GML: variants seen among roughly 807,000 people sequenced by gnomAD.
GML encodes the protein glycosylphosphatidylinositol anchored molecule like.
GML carries 5 observed loss-of-function variants against 8.2 expected under a neutral mutation model. The ratio of observed to expected loss-of-function variants is 0.61; its 90% confidence interval spans 0.32 to 1.28. GML has a LOEUF of 1.28. Among genes scored for constraint, GML ranks in the 50% most tolerant of loss-of-function variants. The probability of loss-of-function intolerance (pLI) is 0.06; values close to 1 mark genes in which losing one functional copy is unlikely to be tolerated. For synonymous variants in GML, 72 were observed against 69.0 expected, an observed-to-expected ratio of 1.04 and a Z score of -0.22; for missense variants, 191 against 198.3, an observed-to-expected ratio of 0.96 and a Z score of 0.22.
intron 1 of GML, among the ~76,000 whole-genome samples, chr8:142,836,975 G>A (rs533558182): frequency 6.6e-6 from 1 of 152,278 alleles, no homozygotes; most frequent in South Asian, 2.1e-4. Context: ...AGACGGGCTG[G>A]CATTCAGTAT....
Position 142,836,634 on chromosome 8 carries a change from G to A in GML, c.-23+1766G>A, listed in dbSNP as rs752167603. Reference sequence around the variant, plus strand: ...GTTTTTATTGAACATCTTGCGTTGCGTACAAAATAGCTGGAAAGCTTGGAG... The same window carrying A: ...GTTTTTATTGAACATCTTGCGTTGCATACAAAATAGCTGGAAAGCTTGGAG... On this transcript the variant is annotated intron_variant, in intron 1 of 3. Coordinates refer to ENST00000220940, the MANE Select transcript of GML (RefSeq NM_002066.3). Among the ~76,000 whole-genome samples, 38 of 152,200 alleles carry A rather than the reference G, an allele frequency of 2.5e-4. 1 individual carries two copies. The highest frequency in any genetic ancestry group is 6.8e-3 in the Middle Eastern group (2 of 292).
Position 142,846,407 on chromosome 8 carries a change from G to T in GML, c.194G>T (p.Arg65Leu). The change falls in exon 4 of 4, where the codon CGT becomes CTT. Residue 65 changes from arginine (R) to leucine (L), a missense_variant. Coordinates refer to ENST00000220940, the MANE Select transcript of GML (RefSeq NM_002066.3). ...CMTISIRINS[R>L]ELLVYKNCTN... The stretch of plus-strand genomic sequence containing the variant: ...CTTCTTTTTTTAGGCATAAATTCTC[G>T]TGAACTACTTGTTTATAAGAACTGT... The T allele has an allele frequency of 6.3e-7, 1 of 1,587,782 alleles. No individual in the cohort carries two copies. Among genetic ancestry groups the T allele is most frequent in the African/African-American group, 1.4e-5 (1 of 73,996 alleles).
At chr8:142,844,909 C>T (rs986811980) in intron 3 of GML, among the ~76,000 whole-genome samples, 17 of 152,204 alleles carry the variant, frequency 1.1e-4, no homozygotes, top group Non-Finnish European at 1.9e-4. Flanking sequence ...TGAGACTCAG[C>T]GCTTCTACTC....
At chr8:142,843,704 T>A (rs530919281) in intron 3 of GML, among the ~76,000 whole-genome samples, 1 of 152,172 alleles carries the variant, frequency 6.6e-6, no homozygotes, top group South Asian at 2.1e-4. Context: ...AGAAACAGAT[T>A]GAAAATGAAA....
rs181298814 is a variant in GML, at chr8:142,846,586, G to A, written c.373G>A (p.Asp125Asn). ...PTNLERDMLPDEVTEEELPEG... is the reference protein window; with the variant it reads ...PTNLERDMLPNEVTEEELPEG... ...TAATCTTGAAAGGGACATGTTACCC[G>A]ATGAAGTAACTGAGGAGGAGCTTCC... Residue 125 changes from aspartate (D) to asparagine (N), a missense_variant, in exon 4 of 4, where the codon GAT (aspartate) becomes AAT (asparagine). Physicochemically the swap from Asp to Asn is conservative, Grantham distance 23 (BLOSUM62 1). Transcript: ENST00000220940. 1.5e-5 allele frequency: 25 copies of A among 1,613,598 alleles called. No individual in the cohort carries two copies. Among genetic ancestry groups the A allele is most frequent in the East Asian group, 6.7e-5 (3 of 44,872 alleles).
intron 1 of GML, among the ~76,000 whole-genome samples, chr8:142,837,425 A>G (rs2953479): frequency 0.022 from 3,342 of 152,084 alleles, 94 homozygotes; most frequent in African/African-American, 0.075. Context: ...AATCAGTGAC[A>G]GCAGTGGGTG....
chr8:142,841,738 GGT>G (rs1290644974), intron 3 of GML, among the ~76,000 whole-genome samples: 2 of 152,168 alleles, frequency 1.3e-5, no homozygotes, highest in African/African-American at 2.4e-5. Context: ...AGAGCCCTCT[GGT>G]GCCCTCTCTC....
rs139970578 is a variant in GML at position 142,835,113 on chromosome 8, G to A, written c.-23+245G>A. On this transcript the variant is annotated intron_variant, in intron 1 of 3. Transcript: ENST00000220940. Reference sequence around the variant, plus strand: ...ACTCCCCGCAGGTTCCTGGGGAGACGCCCCCTGCTCCATTCCCCTCAGGGT... The same window carrying A: ...ACTCCCCGCAGGTTCCTGGGGAGACACCCCCTGCTCCATTCCCCTCAGGGT... Among the ~76,000 whole-genome samples, 7 of 150,606 alleles carry A rather than the reference G, an allele frequency of 4.6e-5. No homozygotes were observed. The East Asian group carries it at 1.4e-3, about 30-fold the overall frequency.
intron 3 of GML, 69 bp downstream of exon 3, chr8:142,841,294 G>A (rs938830084): frequency 3.6e-6 from 3 of 824,338 alleles, no homozygotes; most frequent in African/African-American, 3.3e-5. Flanking sequence ...CTGGGGCCAG[G>A]GCCAGTCTGC....
intron 3 of GML, among the ~76,000 whole-genome samples, chr8:142,841,786 A>G (rs1374526062): frequency 6.6e-6 from 1 of 152,192 alleles, no homozygotes; most frequent in East Asian, 1.9e-4. Context: ...GTATGGCCAG[A>G]GGCCCAGTGA....
At chr8:142,841,997 C>G (rs964236295) in intron 3 of GML, among the ~76,000 whole-genome samples, 2 of 152,174 alleles carry the variant, frequency 1.3e-5, no homozygotes, top group African/African-American at 4.8e-5. Context: ...TGTGGTTTGG[C>G]TATGTCCCCA....
intron 3 of GML, among the ~76,000 whole-genome samples, chr8:142,841,808 A>G (rs978930605): frequency 6.6e-6 from 1 of 152,190 alleles, no homozygotes; most frequent in African/African-American, 2.4e-5. Flanking sequence ...CAATGGAGCA[A>G]GCAGGGAGGG....
chr8:142,835,153 C>A (rs1404118140), intron 1 of GML, among the ~76,000 whole-genome samples: 1 of 151,908 alleles, frequency 6.6e-6, no homozygotes, highest in Non-Finnish European at 1.5e-5. Flanking sequence ...GGGAGACCCC[C>A]TAATTCAGCT....
intron 1 of GML, 119 bp from the exon 2 acceptor site, chr8:142,840,297 G>C (rs904030348): frequency 3.1e-6 from 2 of 655,326 alleles, no homozygotes; most frequent in South Asian, 1.8e-5. Flanking sequence ...TGGCCCAGTG[G>C]GGGAGGCATT....
chr8:142,842,498 C>T (rs1285761823), intron 3 of GML, among the ~76,000 whole-genome samples: 1 of 152,174 alleles, frequency 6.6e-6, no homozygotes, highest in Admixed American at 6.5e-5. Flanking sequence ...CTATCTTTCC[C>T]ATAACTCCCT....
intron 1 of GML, 84 bp downstream of exon 1, chr8:142,834,952 T>C (rs1420363275): frequency 9.3e-6 from 1 of 107,474 alleles, no homozygotes; most frequent in African/African-American, 3.9e-5. Flanking sequence ...CCTCGTCAGC[T>C]GCTTGGGCCG....
At position 142,837,192 on chromosome 8, in the gene GML, G is replaced by A. The variant is rs1162723790; in HGVS notation, c.-23+2324G>A. On this transcript the variant is annotated intron_variant, in intron 1 of 3. Transcript: ENST00000220940. ...GCCCATAGTCCCAGCTACTCAGGAGGCTGAGGCAGGAGAACTGCTTGAACC... is the reference window on the plus strand; with the variant it reads ...GCCCATAGTCCCAGCTACTCAGGAGACTGAGGCAGGAGAACTGCTTGAACC... 2.6e-5 allele frequency among the ~76,000 whole-genome samples: 4 copies of A among 151,996 alleles called. No homozygotes were observed. In the East Asian group the frequency reaches 7.7e-4, roughly 29 times the overall value.
At chr8:142,841,760 C>T (rs765510857) in intron 3 of GML, among the ~76,000 whole-genome samples, 5 of 152,184 alleles carry the variant, frequency 3.3e-5, no homozygotes, top group African/African-American at 4.8e-5. Flanking sequence ...CCCCAGGGCC[C>T]TAACCTGCAG....
At chr8:142,843,294 A>C (rs1377660522) in intron 3 of GML, among the ~76,000 whole-genome samples, 1 of 149,074 alleles carries the variant, frequency 6.7e-6, no homozygotes, top group African/African-American at 2.5e-5. Flanking sequence ...ACACACACAC[A>C]CACACCATAA....
Sources: gnomAD v4.1 joint callset for allele counts (sites outside exome capture counted in the v4.1 genomes callset) on GRCh38, gnomAD v4.1.1 for gene constraint, MANE v1.5 for transcripts, NCBI Gene and HGNC (gene_info 2026-07-23, HGNC 2026-07-21) for gene names.